LIPG: variants seen among roughly 807,000 people sequenced by gnomAD.
The protein encoded by LIPG is lipase G, endothelial type.
LIPG carries 34 observed loss-of-function variants against 51.8 expected under a neutral mutation model. That is an observed-to-expected ratio of 0.66 (90% CI 0.50 to 0.87). The LOEUF is 0.87. Ranked by LOEUF, LIPG falls within the 40% of genes least tolerant of loss-of-function variation. LIPG has a pLI of 0.00. For synonymous variants in LIPG, 246 were observed against 246.1 expected, an observed-to-expected ratio of 1.00 and a Z score of 0.00; for missense variants, 580 against 652.7, an observed-to-expected ratio of 0.89 and a Z score of 1.21.
chr18:49,566,623 G>A (rs532050305), intron 2 of LIPG, among the ~76,000 whole-genome samples: 3 of 152,254 alleles, frequency 2.0e-5, no homozygotes, highest in South Asian at 2.1e-4. Context: ...TTGGGATTCC[G>A]GGGACAGATT....
In LIPG at chr18:49,575,593, G is replaced by C. The variant is rs747715842; in HGVS notation, c.793+3G>C. ...CTTGGGATCAATTGCATATGGAAGT[G>C]AGTTCCCTCTTTTCTGCTTTGTGTT... On this transcript the variant is annotated splice_donor_region_variant and intron_variant, in intron 5 of 9. Coordinates refer to ENST00000261292, the MANE Select transcript of LIPG (RefSeq NM_006033.4). The C allele has an allele frequency of 6.2e-7, 1 of 1,612,410 alleles. No individual in the cohort carries two copies.
chr18:49,592,955 CAG>C lies in LIPG; in HGVS notation c.*2436_*2437del, dbSNP rs1307080174. 2 of 104,090 alleles carry C rather than the reference CAG, an allele frequency of 1.9e-5. No individual in the cohort carries two copies. The highest frequency in any genetic ancestry group is 7.1e-4 in the East Asian group (2 of 2,824). 6.4% of individuals were successfully genotyped at this position (104,090 alleles called of 1,614,324 possible). ...TTTTTTTTTTTTTTTTTTTTTGAGA[CAG>C]AGCCTCTCTCTGTCACCCAGGCTGG... On this transcript the variant is annotated 3_prime_UTR_variant, in exon 10 of 10. Transcript: ENST00000261292.
At position 49,590,914 on chromosome 18, in the gene LIPG, G is replaced by T. The variant is rs1399227561; in HGVS notation, c.*392G>T. ...GGCCCTGTGTAGAAGGCTGTCAGCT[G>T]CTCAGCCTGCTTTGAGCCTCAGTGA... is the stretch of plus-strand genomic sequence containing the variant. On this transcript the variant is annotated 3_prime_UTR_variant, in exon 10 of 10. Coordinates refer to ENST00000261292, the MANE Select transcript of LIPG (RefSeq NM_006033.4). 3 of 320,124 alleles carry T rather than the reference G, an allele frequency of 9.4e-6. No individual in the cohort carries two copies. Among genetic ancestry groups the T allele is most frequent in the African/African-American group, 4.2e-5 (2 of 47,116 alleles). The allele number at this position is 320,124 out of a possible 1,614,324, so 19.8% of individuals were successfully genotyped here.
rs1430096155 is a variant in LIPG at position 49,581,469 on chromosome 18, ACT to A, written c.853_854del (p.Leu285GlyfsTer14). The A allele has an allele frequency of 6.8e-6, 11 of 1,613,838 alleles. No individual in the cohort carries two copies. The highest frequency in any genetic ancestry group is 3.3e-5 in the South Asian group (3 of 91,072). ...GAGCGAGCCGTCCACCTCTTTGTTGACTCTCTGGTGAATCAGGACAAGCCGAG... is the reference window on the plus strand; with the variant it reads ...GAGCGAGCCGTCCACCTCTTTGTTGACTCTGGTGAATCAGGACAAGCCGAG... On this transcript the variant is annotated frameshift_variant, in exon 6 of 10. Coordinates refer to ENST00000261292, the MANE Select transcript of LIPG (RefSeq NM_006033.4). LOFTEE classifies it high-confidence loss of function.
intron 1 of LIPG, among the ~76,000 whole-genome samples, chr18:49,565,059 A>G (rs962106532): frequency 6.6e-6 from 1 of 152,260 alleles, no homozygotes; most frequent in African/African-American, 2.4e-5. Flanking sequence ...GGGAAATGCA[A>G]GAGAGAGATC....
chr18:49,575,382 C>G lies in LIPG; in HGVS notation c.585C>G (p.Ala195=), dbSNP rs748825827. ...CTTCTGCTGCAGGTTTGGATCCTGC[C>G]GGGCCCATGTTTGAAGGGGCCGACA... ...TVGRITGLDP[A]GPMFEGADIH... Residue 195 remains alanine (A), a synonymous_variant, in exon 5 of 10, where the codon GCC becomes GCG. Transcript: ENST00000261292. 6 of 1,612,552 alleles carry G rather than the reference C, an allele frequency of 3.7e-6. No individual in the cohort carries two copies. The highest frequency in any genetic ancestry group is 5.1e-6 in the Non-Finnish European group (6 of 1,179,980).
At chr18:49,581,086 C>G (rs559779992) in intron 5 of LIPG, among the ~76,000 whole-genome samples, 7 of 152,264 alleles carry the variant, frequency 4.6e-5, no homozygotes, top group Non-Finnish European at 7.4e-5. Flanking sequence ...TGGTGAAACC[C>G]TGTATCTACA....
chr18:49,577,624 G>C (rs868084293), intron 5 of LIPG, among the ~76,000 whole-genome samples: 38,932 of 141,886 alleles, frequency 0.27, 5,781 homozygotes, highest in African/African-American at 0.37. Context: ...CCTCCCGGAC[G>C]GGGCGGCTGG....
intron 3 of LIPG, 44 bp downstream of exon 3, chr18:49,567,665 C>A: frequency 6.3e-7 from 1 of 1,592,800 alleles, no homozygotes; most frequent in South Asian, 1.1e-5. Flanking sequence ...AGCAGGATCT[C>A]AAACCCAATC....
intron 5 of LIPG, among the ~76,000 whole-genome samples, chr18:49,576,010 G>C (rs2084712306): frequency 6.6e-6 from 1 of 151,770 alleles, no homozygotes; most frequent in Non-Finnish European, 1.5e-5. Context: ...GGCTAATTTT[G>C]TATCTTTAGT....
chr18:49,587,568 C>CA (rs34734805), intron 9 of LIPG, among the ~76,000 whole-genome samples: 26,954 of 42,200 alleles, frequency 0.64, 10,274 homozygotes, highest in Non-Finnish European at 0.71. Flanking sequence ...GACTCCGTCT[C>CA]AAAAAAAAAA....
rs1330730448 is a variant in LIPG, at chr18:49,583,753, A to C, written c.1355A>C (p.Lys452Thr). ...RELNIRRIRV[K>T]SGETQRKLTF... The stretch of plus-strand genomic sequence containing the variant: ...CTGAATATCAGGCGCATCCGGGTGA[A>C]GTCTGGGGAAACCCAGCGGAAGTAA... Residue 452 changes from lysine (K) to threonine (T), a missense_variant, in exon 8 of 10, where the codon AAG (lysine) becomes ACG (threonine). By Grantham distance (78) the Lys-to-Thr change is moderately conservative. Transcript: ENST00000261292. The C allele has an allele frequency of 6.2e-7, 1 of 1,613,088 alleles. No individual in the cohort carries two copies.
At chr18:49,589,263 A>G (rs1031887243) in intron 9 of LIPG, 13 of 152,252 alleles carry the variant, frequency 8.5e-5, no homozygotes, top group Admixed American at 8.5e-4. Flanking sequence ...AACCACAAGC[A>G]CCATCATCAC....
At chr18:49,590,403 G>A (rs1438772926) in intron 9 of LIPG, 98 bp from the exon 10 acceptor site, 2 of 1,302,782 alleles carry the variant, frequency 1.5e-6, no homozygotes, top group Non-Finnish European at 1.1e-6. Flanking sequence ...GTGTCAGAAA[G>A]CTTGGCCTTA....
intron 5 of LIPG, among the ~76,000 whole-genome samples, chr18:49,577,628 C>T (rs1314581764): frequency 2.8e-5 from 4 of 144,532 alleles, no homozygotes; most frequent in Admixed American, 6.7e-5. Context: ...CCGGACGGGG[C>T]GGCTGGCCGG....
At position 49,586,776 on chromosome 18, in the gene LIPG, C is replaced by A. The variant is rs1170873776; in HGVS notation, c.1407C>A (p.Asn469Lys). The A allele has an allele frequency of 8.1e-6, 13 of 1,613,970 alleles. No individual in the cohort carries two copies. The highest frequency in any genetic ancestry group is 1.3e-5 in the African/African-American group (1 of 74,916). ...KLTFCTEDPE[N>K]TSISPGRELW... ...CATTTTGTACAGAAGACCCTGAGAACACCAGCATATCCCCAGGCCGGGAGC... is the reference window on the plus strand; with the variant it reads ...CATTTTGTACAGAAGACCCTGAGAAAACCAGCATATCCCCAGGCCGGGAGC... Residue 469 changes from asparagine to lysine, a missense_variant, in exon 9 of 10, where the codon AAC (asparagine) becomes AAA (lysine). Coordinates refer to ENST00000261292, the MANE Select transcript of LIPG (RefSeq NM_006033.4).
intron 5 of LIPG, among the ~76,000 whole-genome samples, chr18:49,579,227 A>G (rs1261958697): frequency 4.8e-4 from 53 of 110,374 alleles, no homozygotes; most frequent in East Asian, 1.5e-3. Flanking sequence ...AGGGAGAGGG[A>G]GAGGGAGAGG....
chr18:49,578,910 G>A (rs1223200530), intron 5 of LIPG, among the ~76,000 whole-genome samples: 2 of 147,154 alleles, frequency 1.4e-5, no homozygotes, highest in Non-Finnish European at 3.0e-5. Context: ...CACTCGGCAG[G>A]CTGAGGCAGG....
intron 4 of LIPG, among the ~76,000 whole-genome samples, chr18:49,569,752 G>C (rs1405538838): frequency 6.6e-6 from 1 of 151,340 alleles, no homozygotes. Context: ...CGCAGTATAT[G>C]AGACACAGAA....
Sources: allele counts gnomAD v4.1 joint callset (sites outside exome capture counted in the v4.1 genomes callset), GRCh38; gene constraint gnomAD v4.1.1; transcripts MANE v1.5; gene names NCBI Gene and HGNC (gene_info 2026-07-23, HGNC 2026-07-21).